SMCHD1: variants seen among roughly 807,000 people sequenced by gnomAD.
The protein encoded by SMCHD1 is structural maintenance of chromosomes flexible hinge domain-containing protein 1.
A neutral mutation model predicts 254.7 loss-of-function variants in SMCHD1; 78 were observed. The ratio of observed to expected loss-of-function variants is 0.31; its 90% CI spans 0.26 to 0.37. The LOEUF (loss-of-function observed/expected upper bound fraction) is 0.37, where lower values mean the gene tolerates loss of function less well. SMCHD1 is among the 10% of genes least tolerant of loss of function. The pLI is 1.00. For synonymous variants in SMCHD1, 766 were observed against 794.9 expected, an observed-to-expected ratio of 0.96 and a Z score of 0.61; for missense variants, 1,840 against 2,408.1, an observed-to-expected ratio of 0.76 and a Z score of 4.94.
At position 2,793,656 on chromosome 18, in the gene SMCHD1, C is replaced by CAAA. The variant is rs1277905569; in HGVS notation, c.5720-2280_5720-2278dup. Among the ~76,000 whole-genome samples, 24 of 43,902 alleles carry CAAA rather than the reference C, an allele frequency of 5.5e-4. 1 individual carries two copies. The East Asian group carries it at 0.013, about 24-fold the overall frequency. 28.8% of individuals were successfully genotyped at this position (43,902 alleles called of 152,430 possible). A position where few individuals can be genotyped will look rare whatever the true frequency, so the allele number is the denominator to read the frequency against. ...CTCCAGCCTGGGCGAGACTCCGTCT[C>CAAA]AAAAAAAAAAAAAAAGAAAGAAAAC... On this transcript the variant is annotated intron_variant, in intron 45 of 47. Coordinates refer to ENST00000320876, the MANE Select transcript of SMCHD1 (RefSeq NM_015295.3).
intron 39 of SMCHD1, among the ~76,000 whole-genome samples, chr18:2,770,548 A>G (rs990257806): frequency 7.2e-5 from 11 of 152,104 alleles, no homozygotes; most frequent in African/African-American, 2.7e-4. Context: ...GCACACACTG[A>G]TACTGAAATA....
At chr18:2,763,552 G>A (rs112622633) in intron 36 of SMCHD1, 85 bp from the exon 37 acceptor site, 11 of 1,090,540 alleles carry the variant, frequency 1.0e-5, no homozygotes, top group Non-Finnish European at 1.3e-5. Flanking sequence ...GGGGCTCTCT[G>A]TATTATTTCT....
intron 5 of SMCHD1, among the ~76,000 whole-genome samples, chr18:2,686,624 G>A (rs1050695709): frequency 2.0e-5 from 3 of 151,988 alleles, no homozygotes; most frequent in African/African-American, 7.3e-5. Context: ...AAGTAGTTGT[G>A]TGTTTGTGTA....
chr18:2,735,901 C>T (rs962086795), intron 25 of SMCHD1, among the ~76,000 whole-genome samples: 1 of 152,128 alleles, frequency 6.6e-6, no homozygotes, highest in Non-Finnish European at 1.5e-5. Flanking sequence ...TGGAAAAAAG[C>T]TATTCTAAAA....
intron 42 of SMCHD1, among the ~76,000 whole-genome samples, chr18:2,777,066 C>CCA (rs1555653826): frequency 2.0e-5 from 3 of 147,326 alleles, no homozygotes; most frequent in Non-Finnish European, 4.5e-5. Flanking sequence ...ACCACCTCCC[C>CCA]CCCCCATACC....
At chr18:2,771,807 G>T (rs959777799) in intron 40 of SMCHD1, among the ~76,000 whole-genome samples, 189 bp downstream of exon 40, 1 of 152,168 alleles carries the variant, frequency 6.6e-6, no homozygotes, top group African/African-American at 2.4e-5. Context: ...ATTGCAATTT[G>T]TATTTTTAAT....
At chr18:2,748,100 G>C (rs2075491131) in intron 30 of SMCHD1, among the ~76,000 whole-genome samples, 1 of 152,184 alleles carries the variant, frequency 6.6e-6, no homozygotes, top group African/African-American at 2.4e-5. Context: ...ATCCTGGGCA[G>C]AGCTACTGGA....
At chr18:2,706,998 T>C (rs564058360) in intron 15 of SMCHD1, among the ~76,000 whole-genome samples, 28 of 152,106 alleles carry the variant, frequency 1.8e-4, no homozygotes, top group African/African-American at 6.3e-4. Context: ...GTCAAACACT[T>C]TAAAAATCAT....
chr18:2,801,682 A>G (rs1267737237), intron 47 of SMCHD1, among the ~76,000 whole-genome samples: 2 of 152,194 alleles, frequency 1.3e-5, no homozygotes, highest in Non-Finnish European at 2.9e-5. Context: ...TTTTATTTAC[A>G]TATGTATACT....
intron 5 of SMCHD1, 38 bp from the exon 6 acceptor site, chr18:2,688,356 A>G (rs376764483): frequency 3.2e-4 from 461 of 1,439,656 alleles, no homozygotes; most frequent in Middle Eastern, 1.6e-3. Flanking sequence ...ACACTTAACT[A>G]GCTTGTTTAA....
At chr18:2,667,596 A>T (rs62084179) in intron 3 of SMCHD1, among the ~76,000 whole-genome samples, 28,044 of 152,128 alleles carry the variant, frequency 0.18, 2,871 homozygotes, top group South Asian at 0.27. Flanking sequence ...TTTGTATTAA[A>T]ATTATTTTTT....
chr18:2,750,020 ATTTTG>A lies in SMCHD1; in HGVS notation c.3928-8_3928-4del. On this transcript the variant is annotated intron_variant, in intron 30 of 47. Transcript: ENST00000320876. ...GATCTCTAGAATTTTCTAATTAACC[ATTTTG>A]TTTTGTTTTGTTTTTAGCTCATGCC... The A allele has an allele frequency of 2.0e-6, 3 of 1,537,642 alleles. No individual in the cohort carries two copies. The highest frequency in any genetic ancestry group is 2.4e-5 in the East Asian group (1 of 41,106).
chr18:2,679,480 C>CA (rs59034633), intron 5 of SMCHD1, among the ~76,000 whole-genome samples: 178 of 58,690 alleles, frequency 3.0e-3, no homozygotes, highest in East Asian at 0.021. Flanking sequence ...ACTCCATCTC[C>CA]AAAAAAAAAA....
chr18:2,792,489 A>C (rs1241736954), intron 45 of SMCHD1, among the ~76,000 whole-genome samples: 2 of 152,218 alleles, frequency 1.3e-5, no homozygotes, highest in Admixed American at 1.3e-4. Context: ...ATTAAGCAAC[A>C]CATGACTGCA....
intron 25 of SMCHD1, among the ~76,000 whole-genome samples, chr18:2,733,003 T>G (rs2075173048): frequency 6.6e-6 from 1 of 152,218 alleles, no homozygotes; most frequent in South Asian, 2.1e-4. Context: ...CATCTAAATA[T>G]GACATTTGTA....
rs760383946 is a variant in SMCHD1 at position 2,750,335 on chromosome 18, CTTTTG to C, written c.4008-7_4008-3del. Reference sequence around the variant, plus strand: ...CTAATGTAATTTGAACCCCTCTCCTCTTTTGTTTTGTTAGGGGAGAGCATACTCTT... The same window carrying C: ...CTAATGTAATTTGAACCCCTCTCCTCTTTTGTTAGGGGAGAGCATACTCTT... On this transcript the variant is annotated splice_polypyrimidine_tract_variant and intron_variant, in intron 31 of 47. Transcript: ENST00000320876. 1.9e-5 allele frequency: 30 copies of C among 1,593,714 alleles called. No homozygotes were observed. Among genetic ancestry groups the C allele is most frequent in the Admixed American group, 1.5e-4 (8 of 55,050 alleles).
chr18:2,697,946 A>T lies in SMCHD1; in HGVS notation c.1247A>T (p.His416Leu). Residue 416 changes from histidine to leucine, a missense_variant, in exon 10 of 48, where the codon CAT becomes CTT. This residue lies in a region of SMCHD1 where 498 missense variants were observed against 743.5 expected (regional missense o/e 0.67). Coordinates refer to ENST00000320876, the MANE Select transcript of SMCHD1 (RefSeq NM_015295.3). ...TAADSFEFKA[H>L]VEGDGVVEGI... ...GCTGATAGTTTTGAATTCAAAGCTC[A>T]TGTTGAAGGAGATGGTGTAGTGGAA... The T allele has an allele frequency of 6.2e-7, 1 of 1,613,576 alleles. No individual in the cohort carries two copies. Among genetic ancestry groups the T allele is most frequent in the Non-Finnish European group, 8.5e-7 (1 of 1,179,596 alleles).
At chr18:2,717,395 G>A (rs2074825649) in intron 17 of SMCHD1, among the ~76,000 whole-genome samples, 1 of 152,070 alleles carries the variant, frequency 6.6e-6, no homozygotes, top group South Asian at 2.1e-4. Context: ...TGCCCAGACT[G>A]GTACCTTCAT....
intron 45 of SMCHD1, 116 bp downstream of exon 45, chr18:2,784,737 A>G (rs2076211450): frequency 2.6e-6 from 3 of 1,164,636 alleles, no homozygotes; most frequent in Non-Finnish European, 3.7e-6. Flanking sequence ...GTAAGTAACA[A>G]ATGTAAGTAA....
Sources: allele counts gnomAD v4.1 joint callset (sites outside exome capture counted in the v4.1 genomes callset), GRCh38; gene constraint gnomAD v4.1.1; regional missense constraint gnomAD v4.1.1; transcripts MANE v1.5; gene names NCBI Gene and HGNC (gene_info 2026-07-23, HGNC 2026-07-21).